The following SVIL variants were observed in gnomAD, a reference collection of about 807,000 sequenced individuals.
The protein encoded by SVIL is archvillin.
A neutral mutation model predicts 240.4 loss-of-function variants in SVIL; 101 were observed. That is an observed-to-expected ratio of 0.42 (90% CI 0.36 to 0.50). The LOEUF (loss-of-function observed/expected upper bound fraction) is 0.50. Among genes scored for constraint, SVIL ranks in the 20% least tolerant of loss-of-function variants. The pLI is 0.01. For missense variants in SVIL, 2,512 were observed against 2,818.7 expected (o/e 0.89, Z 2.46); for synonymous variants, 999 against 1,100.0 (o/e 0.91, Z 1.82).
intron 2 of SVIL, among the ~76,000 whole-genome samples, chr10:29,674,879 G>C (rs749442732): frequency 2.6e-5 from 4 of 152,130 alleles, no homozygotes; most frequent in Non-Finnish European, 5.9e-5. Context: ...CAGCCCTGAA[G>C]ACTGTGTCCC....
intron 22 of SVIL, among the ~76,000 whole-genome samples, chr10:29,489,197 T>C (rs748003988): frequency 6.6e-6 from 1 of 152,232 alleles, no homozygotes; most frequent in Non-Finnish European, 1.5e-5. Flanking sequence ...AGACACTCTG[T>C]AAGGGATGAT....
In SVIL at chr10:29,458,254, A is replaced by C. The variant is rs1943782389; in HGVS notation, c.6638T>G (p.Leu2213Arg). Residue 2213 changes from leucine (L) to arginine (R), a missense_variant, in exon 38 of 38, where the codon CTG (leucine) becomes CGG (arginine). Leu to Arg is a moderately radical substitution (Grantham distance 102, BLOSUM62 -2). Transcript: ENST00000355867. ...KQVNLKKAKG[L>R]F ...CCTCTGGCGTCTCCCCACTCAGAAC[A>C]GGCCTTTTGCTTTCTTCAGGTTCAC... 6.2e-7 allele frequency: 1 copy of C among 1,614,116 alleles called. No individual in the cohort carries two copies. Among genetic ancestry groups the C allele is most frequent in the Non-Finnish European group, 8.5e-7 (1 of 1,180,048 alleles).
chr10:29,673,584 A>G (rs398045950), intron 2 of SVIL, among the ~76,000 whole-genome samples: 3 of 109,524 alleles, frequency 2.7e-5, no homozygotes, highest in African/African-American at 6.9e-5. Flanking sequence ...TAGGGGGGAG[A>G]GAGAGAGAGA....
Position 29,724,181 on chromosome 10 carries a change from C to CTTTTT in SVIL, c.-400+11565_-400+11569dup, listed in dbSNP as rs386371080. Among the ~76,000 whole-genome samples, 4 of 144,520 alleles carry CTTTTT rather than the reference C, an allele frequency of 2.8e-5. 1 individual carries two copies. The highest frequency in any genetic ancestry group is 4.5e-5 in the Non-Finnish European group (3 of 66,336). The allele number at this position is 144,520 out of a possible 152,430, so 94.8% of individuals were successfully genotyped here. A position where few individuals can be genotyped will look rare whatever the true frequency, so the allele number is the denominator to read the frequency against. On this transcript the variant is annotated intron_variant, in intron 1 of 35. Transcript: ENST00000375400. ...TTCTTCTGAGTTTTTTGTTTTCTCT[C>CTTTTT]TTTTTTTTTTTTTCAAGAAGCCTAA...
chr10:29,727,451 G>A (rs952714618), intron 1 of SVIL, among the ~76,000 whole-genome samples: 1 of 151,968 alleles, frequency 6.6e-6, no homozygotes, highest in Non-Finnish European at 1.5e-5. Context: ...AAATTATAGA[G>A]AAATGTTGTC....
chr10:29,506,335 G>A (rs1288475211), intron 17 of SVIL, among the ~76,000 whole-genome samples: 2 of 152,106 alleles, frequency 1.3e-5, no homozygotes, highest in African/African-American at 4.8e-5. Context: ...GGTACGTGGG[G>A]CCTGGGCTCT....
chr10:29,696,293 G>A (rs1461324491), intron 1 of SVIL, among the ~76,000 whole-genome samples: 4 of 151,990 alleles, frequency 2.6e-5, no homozygotes, highest in African/African-American at 9.7e-5. Flanking sequence ...GCATGATCTC[G>A]GCTCGCTATG....
intron 1 of SVIL, among the ~76,000 whole-genome samples, chr10:29,626,969 A>G (rs1165348309): frequency 6.6e-6 from 1 of 152,190 alleles, no homozygotes; most frequent in Non-Finnish European, 1.5e-5. Flanking sequence ...GCTTGCAGTG[A>G]GCCGAGATTG....
intron 1 of SVIL, among the ~76,000 whole-genome samples, chr10:29,693,693 A>G (rs778048653): frequency 3.3e-5 from 5 of 152,292 alleles, no homozygotes; most frequent in South Asian, 2.1e-4. Context: ...CTTCTCCCGA[A>G]AAAACGTCTT....
rs1277256578 is a variant in SVIL, at chr10:29,697,048, C to A, written c.-399-10397G>T. Among the ~76,000 whole-genome samples the A allele has an allele frequency of 4.1e-5, 5 of 121,828 alleles. 1 individual carries two copies. The highest frequency in any genetic ancestry group is 1.6e-4 in the African/African-American group (5 of 31,552). 79.9% of individuals were successfully genotyped at this position (121,828 alleles called of 152,430 possible). On this transcript the variant is annotated intron_variant, in intron 1 of 35. Coordinates refer to the SVIL transcript ENST00000375400. ...CAGCCCCCCGCCCGGCCAGCCGCCC[C>A]GTCCGGGAGGTGAGGGGCGCCTCTG...
chr10:29,491,040 G>A (rs755958050), intron 21 of SVIL, 21 bp from the exon 22 acceptor site: 125 of 1,606,494 alleles, frequency 7.8e-5, no homozygotes, highest in Non-Finnish European at 9.8e-5. Context: ...AAGCAGAGCC[G>A]CGGTCCCAGT....
chr10:29,718,977 GAA>G (rs1316601782), intron 1 of SVIL, among the ~76,000 whole-genome samples: 3 of 152,170 alleles, frequency 2.0e-5, no homozygotes, highest in African/African-American at 7.2e-5. Context: ...AGGCATGGTA[GAA>G]AGTGCCTGTC....
intron 2 of SVIL, among the ~76,000 whole-genome samples, chr10:29,664,826 A>G (rs1272037396): frequency 2.6e-5 from 4 of 152,174 alleles, no homozygotes; most frequent in Non-Finnish European, 5.9e-5. Context: ...TGTGCCTCAA[A>G]GAACACCATG....
chr10:29,537,777 T>C (rs2132586919), intron 6 of SVIL, among the ~76,000 whole-genome samples: 1 of 152,368 alleles, frequency 6.6e-6, no homozygotes, highest in South Asian at 2.1e-4. Flanking sequence ...ATTGTACGTC[T>C]TGCTGTAACC....
At chr10:29,555,193 C>T in intron 3 of SVIL, 85 bp from the exon 4 acceptor site, 1 of 1,287,746 alleles carries the variant, frequency 7.8e-7, no homozygotes, top group East Asian at 2.5e-5. Flanking sequence ...GTTTATTGAA[C>T]TGCAAATTTC....
chr10:29,651,336 T>C (rs1368120544), intron 3 of SVIL, among the ~76,000 whole-genome samples: 2 of 152,164 alleles, frequency 1.3e-5, no homozygotes, highest in Non-Finnish European at 2.9e-5. Context: ...AGGTGCCAAA[T>C]TGTCTCCACT....
intron 1 of SVIL, among the ~76,000 whole-genome samples, chr10:29,580,332 C>A (rs1564667333): frequency 6.6e-6 from 1 of 152,008 alleles, no homozygotes; most frequent in Non-Finnish European, 1.5e-5. Flanking sequence ...GTGTGGGCAA[C>A]AGATTAAACC....
intron 3 of SVIL, among the ~76,000 whole-genome samples, chr10:29,557,618 A>C (rs1210446028): frequency 2.0e-5 from 3 of 152,198 alleles, no homozygotes; most frequent in Non-Finnish European, 2.9e-5. Flanking sequence ...AAAAGATTAC[A>C]ACAGTGCATG....
rs988460411 is a variant in SVIL at position 29,654,578 on chromosome 10, G to C, written c.-201+3391C>G. ...TCCAGCACAATACTGTATTAGTCAG[G>C]GTTCTCCAGAGAGACAGAATGAATA... On this transcript the variant is annotated intron_variant, in intron 3 of 35. Coordinates refer to the SVIL transcript ENST00000375400. Among the ~76,000 whole-genome samples the C allele has an allele frequency of 4.6e-5, 7 of 152,128 alleles. No homozygotes were observed. The South Asian group carries it at 8.3e-4, about 18-fold the overall frequency.
Sources: allele counts gnomAD v4.1 joint callset (sites outside exome capture counted in the v4.1 genomes callset), GRCh38; gene constraint gnomAD v4.1.1; transcripts MANE v1.5; gene names NCBI Gene and HGNC (gene_info 2026-07-23, HGNC 2026-07-21).